The following PALM variants were observed in gnomAD, a reference collection of about 807,000 sequenced individuals.
PALM encodes the protein paralemmin-1.
In PALM, 18 loss-of-function variants were observed where a neutral mutation model predicts 30.7. The observed-to-expected ratio is 0.59, with a 90% CI of 0.41 to 0.87. The LOEUF is 0.87. Ranked by LOEUF, PALM falls within the 40% of genes least tolerant of loss-of-function variation. PALM has a pLI of 0.00. For synonymous variants in PALM, 286 were observed against 242.8 expected (o/e 1.18, Z -1.66); for missense variants, 529 against 555.4 (o/e 0.95, Z 0.48).
chr19:722,184 C>T (rs966031339), intron 1 of PALM, among the ~76,000 whole-genome samples: 1 of 152,168 alleles, frequency 6.6e-6, no homozygotes, highest in Non-Finnish European at 1.5e-5. Context: ...TCCCAAAGTG[C>T]TGGGATTACA....
intron 1 of PALM, among the ~76,000 whole-genome samples, chr19:720,066 C>G (rs1226340127): frequency 2.6e-5 from 4 of 152,004 alleles, no homozygotes; most frequent in Non-Finnish European, 5.9e-5. Context: ...AGACGGGGAC[C>G]CCCCTCCCCT....
At chr19:740,237 C>T in intron 7 of PALM, 115 bp from the exon 8 acceptor site, 3 of 1,045,758 alleles carry the variant, frequency 2.9e-6, no homozygotes, top group South Asian at 1.7e-5. Context: ...CTCCGCCTGC[C>T]CCATCGCTGC....
intron 1 of PALM, among the ~76,000 whole-genome samples, chr19:710,940 T>TC (rs113688257): frequency 4.6e-5 from 7 of 152,202 alleles, no homozygotes; most frequent in African/African-American, 1.7e-4. Flanking sequence ...CTCGTTCTTC[T>TC]CCCCGGCGGG....
At chr19:738,473 C>T (rs1438524504) in intron 7 of PALM, among the ~76,000 whole-genome samples, 1 of 151,866 alleles carries the variant, frequency 6.6e-6, no homozygotes, top group Non-Finnish European at 1.5e-5. Context: ...TTGCAGTGAT[C>T]TGAGATCACG....
In PALM at chr19:742,999, G is replaced by T. The variant is rs79142785; in HGVS notation, c.634+2516G>T. Among the ~76,000 whole-genome samples, 2 of 152,068 alleles carry T rather than the reference G, an allele frequency of 1.3e-5. No individual in the cohort carries two copies. Among genetic ancestry groups the T allele is most frequent in the African/African-American group, 2.4e-5 (1 of 41,402 alleles). On this transcript the variant is annotated intron_variant, in intron 8 of 8. Coordinates refer to ENST00000338448, the MANE Select transcript of PALM (RefSeq NM_002579.3). The surrounding 1 kb of genome is among the most constrained non-coding windows in gnomAD (Gnocchi z 5.5). Reference sequence around the variant, plus strand: ...TTTTCCACGGAGGCTGCACCGTCCCGTTCCCACAGGTCGTGGATGAGGGCC... The same window carrying T: ...TTTTCCACGGAGGCTGCACCGTCCCTTTCCCACAGGTCGTGGATGAGGGCC...
intron 1 of PALM, among the ~76,000 whole-genome samples, chr19:721,081 G>A (rs1035998781): frequency 1.1e-4 from 16 of 152,134 alleles, no homozygotes; most frequent in Admixed American, 8.5e-4. Flanking sequence ...TGGGAAGAAG[G>A]TGCCGGGCAG....
At chr19:720,341 G>C (rs1283134201) in intron 1 of PALM, among the ~76,000 whole-genome samples, 1 of 140,788 alleles carries the variant, frequency 7.1e-6, no homozygotes, top group Non-Finnish European at 1.6e-5. Context: ...GGCGCATCCT[G>C]CGTGTCCTGG....
chr19:736,272 T>G, intron 7 of PALM, 194 bp downstream of exon 7: 1 of 528,706 alleles, frequency 1.9e-6, no homozygotes, highest in East Asian at 3.4e-5. Context: ...TCTGCTTTGT[T>G]GCCCTGGTCC....
chr19:726,513 T>C (rs1279566574), intron 2 of PALM, among the ~76,000 whole-genome samples: 2 of 152,144 alleles, frequency 1.3e-5, no homozygotes, highest in Non-Finnish European at 2.9e-5. Flanking sequence ...GCCATCTTGG[T>C]GGCCTCTGGC....
Position 746,676 on chromosome 19 carries a change from A to G in PALM, c.1026A>G (p.Pro342=). The G allele has an allele frequency of 6.2e-7, 1 of 1,610,578 alleles. No individual in the cohort carries two copies. Among genetic ancestry groups the G allele is most frequent in the Non-Finnish European group, 8.5e-7 (1 of 1,179,112 alleles). ...EDAAEPKEPA[P]PNGSAAEPPT... is the part of the protein sequence containing the mutation. ...CGGCTGAGCCCAAGGAGCCTGCACC[A>G]CCCAACGGCAGTGCTGCCGAGCCTC... is the stretch of plus-strand genomic sequence containing the variant. The change falls in exon 9 of 9, where the codon CCA becomes CCG. Residue 342 remains proline (P), a synonymous_variant. Transcript: ENST00000338448. The surrounding 1 kb of genome is among the most constrained non-coding windows in gnomAD (Gnocchi z 7.1).
chr19:745,022 G>C (rs1203788271), intron 8 of PALM, among the ~76,000 whole-genome samples: 2 of 142,548 alleles, frequency 1.4e-5, no homozygotes, highest in South Asian at 2.3e-4. Flanking sequence ...TCTACTAAAC[G>C]TACAAAAATC....
intron 1 of PALM, among the ~76,000 whole-genome samples, chr19:723,321 C>G (rs2032554612): frequency 2.0e-5 from 3 of 152,036 alleles, no homozygotes; most frequent in Admixed American, 2.0e-4. Context: ...GAAGGGCAGG[C>G]TGTAATTTCA....
intron 1 of PALM, chr19:719,769 C>A: frequency 2.5e-6 from 1 of 406,882 alleles, no homozygotes; most frequent in Non-Finnish European, 3.3e-6. Flanking sequence ...CCTGGCGGGC[C>A]CCGCCCGCAG....
chr19:714,358 C>CTTTT (rs34617281), intron 1 of PALM, among the ~76,000 whole-genome samples: 2 of 104,592 alleles, frequency 1.9e-5, no homozygotes, highest in African/African-American at 3.6e-5. Flanking sequence ...TTTTTTCTTT[C>CTTTT]TTTTTTTTTT....
intron 1 of PALM, among the ~76,000 whole-genome samples, chr19:716,098 C>A (rs2144849589): frequency 6.6e-6 from 1 of 152,102 alleles, no homozygotes; most frequent in African/African-American, 2.4e-5. Flanking sequence ...GGAAGGGGAG[C>A]TAGGCCTTGG....
chr19:733,193 T>G (rs2032924242), intron 5 of PALM, among the ~76,000 whole-genome samples: 1 of 152,144 alleles, frequency 6.6e-6, no homozygotes, highest in Admixed American at 6.5e-5. Context: ...CCCAAAGTGC[T>G]GGGATTAGAG....
In PALM at chr19:733,854, C is replaced by T. The variant is rs75415380; in HGVS notation, c.421-319C>T. Among the ~76,000 whole-genome samples the T allele has an allele frequency of 7.0e-3, 1,063 of 152,220 alleles. 9 individuals are homozygous for T. The highest frequency in any genetic ancestry group is 0.024 in the African/African-American group (1,011 of 41,518). ...ATACAAAATTAGCCAGGTGCGATGA[C>T]GCAGGCCTGTAACCCCAGCTACTGG... On this transcript the variant is annotated intron_variant, in intron 5 of 8. Coordinates refer to ENST00000338448, the MANE Select transcript of PALM (RefSeq NM_002579.3).
chr19:729,458 C>CTT (rs34688325), intron 4 of PALM, among the ~76,000 whole-genome samples: 1,467 of 72,680 alleles, frequency 0.02, 54 homozygotes, highest in East Asian at 0.051. Context: ...CACGGTGCGT[C>CTT]TTTTTTTTTT....
intron 7 of PALM, 71 bp downstream of exon 7, chr19:736,149 C>CGGGGGGGGG: frequency 4.0e-6 from 2 of 494,734 alleles, no homozygotes; most frequent in Admixed American, 2.3e-5. Context: ...TCCGGGGGGC[C>CGGGGGGGGG]GGGTGGGGCG....
Sources: gnomAD v4.1 joint callset for allele counts (sites outside exome capture counted in the v4.1 genomes callset) on GRCh38, gnomAD v4.1.1 for gene constraint, Gnocchi (gnomAD v3.1) non-coding constraint, MANE v1.5 for transcripts, NCBI Gene and HGNC (gene_info 2026-07-23, HGNC 2026-07-21) for gene names.